Variants in NRCAM observed in about 807,000 individuals in gnomAD.
The protein encoded by NRCAM is neuronal cell adhesion molecule, also known as NgCAM-related cell adhesion molecule.
In NRCAM, 83 loss-of-function variants were observed where a neutral mutation model predicts 156.5. The ratio of observed to expected loss-of-function variants is 0.53; its 90% CI spans 0.44 to 0.64. NRCAM has a LOEUF of 0.64. NRCAM is among the 30% of genes least tolerant of loss of function. NRCAM has a pLI of 0.00. For missense variants in NRCAM, 1,417 were observed against 1,597.3 expected, an observed-to-expected ratio of 0.89 and a Z score of 1.92; for synonymous variants, 538 against 563.9, an observed-to-expected ratio of 0.95 and a Z score of 0.65.
intron 1 of NRCAM, among the ~76,000 whole-genome samples, chr7:108,429,483 C>T (rs1041639183): frequency 6.6e-6 from 1 of 152,328 alleles, no homozygotes; most frequent in African/African-American, 2.4e-5. Flanking sequence ...TGAGCCATTG[C>T]GCCCAGCCCG....
chr7:108,182,274 G>C (rs938004556), intron 23 of NRCAM, among the ~76,000 whole-genome samples: 3 of 152,104 alleles, frequency 2.0e-5, no homozygotes, highest in East Asian at 3.9e-4. Context: ...CTTACACTTG[G>C]ATTTTTTTTT....
chr7:108,424,998 T>C (rs998375127), intron 1 of NRCAM, among the ~76,000 whole-genome samples: 2 of 152,158 alleles, frequency 1.3e-5, no homozygotes, highest in Non-Finnish European at 2.9e-5. Flanking sequence ...AGCTAGTGCA[T>C]AGATAAGAAG....
intron 2 of NRCAM, among the ~76,000 whole-genome samples, chr7:108,367,359 C>T (rs532081037): frequency 2.4e-4 from 36 of 152,116 alleles, no homozygotes; most frequent in African/African-American, 8.2e-4. Flanking sequence ...CTGATTAAAG[C>T]TTGAAGAATG....
At chr7:108,208,624 A>C (rs1168771522) in intron 12 of NRCAM, among the ~76,000 whole-genome samples, 1 of 152,090 alleles carries the variant, frequency 6.6e-6, no homozygotes, top group Non-Finnish European at 1.5e-5. Flanking sequence ...ACTTGTCATC[A>C]TCTCCAATCT....
At chr7:108,209,930 T>A (rs2083159090) in intron 11 of NRCAM, among the ~76,000 whole-genome samples, 1 of 152,182 alleles carries the variant, frequency 6.6e-6, no homozygotes, top group South Asian at 2.1e-4. Context: ...AATTTTTACA[T>A]GAAGCTACTA....
intron 2 of NRCAM, among the ~76,000 whole-genome samples, chr7:108,385,432 G>T (rs1456129805): frequency 6.6e-6 from 1 of 152,208 alleles, no homozygotes; most frequent in African/African-American, 2.4e-5. Context: ...ATCAAGGAAG[G>T]CTTTGTGGAA....
chr7:108,246,387 C>G (rs532805648), intron 3 of NRCAM, among the ~76,000 whole-genome samples: 2 of 152,226 alleles, frequency 1.3e-5, no homozygotes, highest in African/African-American at 4.8e-5. Context: ...GAGTGACCAA[C>G]TAAGTGGTAA....
chr7:108,307,461 T>C (rs1252752441), intron 3 of NRCAM, among the ~76,000 whole-genome samples: 1 of 152,208 alleles, frequency 6.6e-6, no homozygotes, highest in Admixed American at 6.5e-5. Flanking sequence ...ACTCTTTCAA[T>C]AGAAATCATT....
intron 2 of NRCAM, among the ~76,000 whole-genome samples, chr7:108,383,321 G>A (rs2099710282): frequency 6.6e-6 from 1 of 152,130 alleles, no homozygotes; most frequent in African/African-American, 2.4e-5. Flanking sequence ...AGCTAGAAAG[G>A]GAACCTGCTA....
chr7:108,212,206 A>C (rs1054757926), intron 11 of NRCAM, among the ~76,000 whole-genome samples: 1 of 152,228 alleles, frequency 6.6e-6, no homozygotes, highest in Non-Finnish European at 1.5e-5. Flanking sequence ...AGAGTACTAC[A>C]TCAAGGGAAA....
chr7:108,218,500 A>T (rs2090684792), intron 11 of NRCAM, among the ~76,000 whole-genome samples: 3 of 152,222 alleles, frequency 2.0e-5, no homozygotes, highest in Admixed American at 1.3e-4. Context: ...TTGAAATTAT[A>T]TCAAGCACTC....
intron 26 of NRCAM, among the ~76,000 whole-genome samples, chr7:108,177,162 A>T (rs2060837704): frequency 6.6e-6 from 1 of 152,214 alleles, no homozygotes; most frequent in South Asian, 2.1e-4. Flanking sequence ...TATTCTACAG[A>T]TATAAAGAAA....
At chr7:108,380,340 A>C (rs143587512) in intron 2 of NRCAM, among the ~76,000 whole-genome samples, 451 of 152,256 alleles carry the variant, frequency 3.0e-3, no homozygotes, top group Non-Finnish European at 4.4e-3. Flanking sequence ...GTGCAGCATG[A>C]TAGATAATTT....
intron 2 of NRCAM, among the ~76,000 whole-genome samples, chr7:108,383,718 G>A (rs2099714733): frequency 6.6e-6 from 1 of 152,176 alleles, no homozygotes; most frequent in Non-Finnish European, 1.5e-5. Context: ...ATTAACTTCA[G>A]TTTATGCTGA....
intron 13 of NRCAM, chr7:108,207,311 A>T: frequency 5.2e-6 from 2 of 387,232 alleles, no homozygotes; most frequent in Non-Finnish European, 4.6e-6. Flanking sequence ...GCCAAGTACC[A>T]GTCATCACAT....
At chr7:108,279,483 A>G (rs1285006709) in intron 3 of NRCAM, among the ~76,000 whole-genome samples, 1 of 152,068 alleles carries the variant, frequency 6.6e-6, no homozygotes, top group Non-Finnish European at 1.5e-5. Flanking sequence ...GCCCTCACCC[A>G]CAGTGTGACT....
intron 2 of NRCAM, among the ~76,000 whole-genome samples, chr7:108,332,063 C>G (rs776771666): frequency 1.3e-5 from 2 of 152,174 alleles, no homozygotes; most frequent in Non-Finnish European, 2.9e-5. Flanking sequence ...CACCAGGCAT[C>G]AAAGAGTGTG....
chr7:108,257,265 T>C (rs959872261), intron 3 of NRCAM, among the ~76,000 whole-genome samples: 5 of 151,990 alleles, frequency 3.3e-5, no homozygotes, highest in East Asian at 1.9e-4. Context: ...TGTAGCTAGA[T>C]TGGGATGAAG....
chr7:108,383,486 A>T (rs1486512198), intron 2 of NRCAM, among the ~76,000 whole-genome samples: 1 of 152,192 alleles, frequency 6.6e-6, no homozygotes, highest in Non-Finnish European at 1.5e-5. Flanking sequence ...ATAACTTATG[A>T]CAAGGGCTTG....
Sources: allele counts gnomAD v4.1 joint callset (sites outside exome capture counted in the v4.1 genomes callset), GRCh38; gene constraint gnomAD v4.1.1; transcripts MANE v1.5; gene names NCBI Gene and HGNC (gene_info 2026-07-23, HGNC 2026-07-21).